The following RAB11FIP3 variants were observed in gnomAD, a reference collection of about 807,000 sequenced individuals.
RAB11FIP3 encodes the protein rab11 family-interacting protein 3.
Under a neutral mutation model 77.8 loss-of-function variants are expected in RAB11FIP3, and 17 were observed. The ratio of observed to expected loss-of-function variants is 0.22; its 90% CI spans 0.15 to 0.33. The LOEUF (loss-of-function observed/expected upper bound fraction) is 0.33, where lower values mean the gene tolerates loss of function less well. Among genes scored for constraint, RAB11FIP3 ranks in the 10% least tolerant of loss-of-function variants. RAB11FIP3 has a pLI of 1.00. For synonymous variants in RAB11FIP3, 437 were observed against 448.2 expected (o/e 0.98, Z 0.31); for missense variants, 1,005 against 1,011.2 (o/e 0.99, Z 0.08).
At chr16:510,498 G>A (rs1009949189) in intron 8 of RAB11FIP3, 162 bp from the exon 9 acceptor site, 1 of 801,120 alleles carries the variant, frequency 1.2e-6, no homozygotes, top group Non-Finnish European at 1.9e-6. Context: ...TGTATTCGCT[G>A]CTTCAGAACT....
At position 505,939 on chromosome 16, in the gene RAB11FIP3, G is replaced by A. The variant is rs189466407; in HGVS notation, c.1499+312G>A. 1.2e-4 allele frequency among the ~76,000 whole-genome samples: 18 copies of A among 152,332 alleles called. No homozygotes were observed. In the East Asian group the frequency reaches 3.3e-3, roughly 28 times the overall value. The stretch of plus-strand genomic sequence containing the variant: ...GAGGAGGAACTGACTGCGAACCCAC[G>A]CAGTGCTCAGCCTCACCAGCAGGCC... On this transcript the variant is annotated intron_variant, in intron 8 of 13. Transcript: ENST00000262305. The surrounding 1 kb of genome is among the most constrained non-coding windows in gnomAD (Gnocchi z 4.0).
intron 1 of RAB11FIP3, among the ~76,000 whole-genome samples, chr16:460,805 G>A (rs1023210947): frequency 6.6e-6 from 1 of 151,240 alleles, no homozygotes; most frequent in South Asian, 2.1e-4. Flanking sequence ...GCGTTCAGTG[G>A]CCAGGGTCCT....
At chr16:462,358 C>T (rs2055621938) in intron 2 of RAB11FIP3, among the ~76,000 whole-genome samples, 1 of 152,168 alleles carries the variant, frequency 6.6e-6, no homozygotes, top group Admixed American at 6.5e-5. Flanking sequence ...TATAGGCACC[C>T]ACCACCATGC....
rs554324967 is a variant in RAB11FIP3, at chr16:518,597, C to T, written c.1641-346C>T. On this transcript the variant is annotated intron_variant, in intron 9 of 13. Coordinates refer to ENST00000262305, the MANE Select transcript of RAB11FIP3 (RefSeq NM_014700.4). ...AAAATTAGCCGGGCGTGGTGGCAGG[C>T]GCCTGTAATCCCAGCTACTCAGGAG... is the stretch of plus-strand genomic sequence containing the variant. Among the ~76,000 whole-genome samples the T allele has an allele frequency of 2.2e-3, 328 of 152,110 alleles. 5 individuals carry two copies. Among genetic ancestry groups the T allele is most frequent in the African/African-American group, 7.6e-3 (314 of 41,486 alleles).
intron 5 of RAB11FIP3, among the ~76,000 whole-genome samples, chr16:492,900 C>T (rs930550379): frequency 5.3e-5 from 8 of 152,196 alleles, no homozygotes; most frequent in African/African-American, 1.9e-4. Flanking sequence ...CTAAGTACAA[C>T]TAGCAAGTCC....
chr16:444,590 A>G (rs955444513), intron 1 of RAB11FIP3, among the ~76,000 whole-genome samples: 1 of 151,976 alleles, frequency 6.6e-6, no homozygotes, highest in Non-Finnish European at 1.5e-5. Flanking sequence ...GCTCACGCCT[A>G]TAATCCCAGC....
At chr16:479,860 G>A (rs2055998397) in intron 3 of RAB11FIP3, among the ~76,000 whole-genome samples, 1 of 152,148 alleles carries the variant, frequency 6.6e-6, no homozygotes, top group Admixed American at 6.5e-5. Flanking sequence ...CAAGGCTGCA[G>A]TGAGCTGAGA....
At chr16:437,037 A>C (rs545285126) in intron 1 of RAB11FIP3, among the ~76,000 whole-genome samples, 2 of 152,072 alleles carry the variant, frequency 1.3e-5, no homozygotes, top group African/African-American at 4.8e-5. Context: ...GCACTTTGAG[A>C]GGCTGGGGAG....
At chr16:487,930 G>C (rs2056190887) in intron 4 of RAB11FIP3, among the ~76,000 whole-genome samples, 4 of 151,390 alleles carry the variant, frequency 2.6e-5, no homozygotes, top group African/African-American at 9.8e-5. Flanking sequence ...TAGGGAAGAG[G>C]CAGAGGTGCT....
At chr16:485,550 T>C (rs993576178) in intron 4 of RAB11FIP3, among the ~76,000 whole-genome samples, 4 of 151,916 alleles carry the variant, frequency 2.6e-5, no homozygotes, top group Non-Finnish European at 4.4e-5. Flanking sequence ...GTAGCTGGGA[T>C]TACAGGCACC....
At chr16:446,443 C>T (rs2055318217) in intron 1 of RAB11FIP3, among the ~76,000 whole-genome samples, 1 of 152,140 alleles carries the variant, frequency 6.6e-6, no homozygotes, top group Non-Finnish European at 1.5e-5. Context: ...ATAAAGAGTG[C>T]TCCTTGGCAG....
At chr16:438,340 T>G (rs890551348) in intron 1 of RAB11FIP3, among the ~76,000 whole-genome samples, 9 of 150,854 alleles carry the variant, frequency 6.0e-5, no homozygotes, top group Middle Eastern at 3.5e-3. Context: ...ACTGTTGACC[T>G]AGTGATCTGC....
At chr16:469,165 C>T (rs1055959359) in intron 2 of RAB11FIP3, among the ~76,000 whole-genome samples, 5 of 151,848 alleles carry the variant, frequency 3.3e-5, no homozygotes, top group South Asian at 4.2e-4. Flanking sequence ...TCCCGGGTCC[C>T]GGTTCAAGCT....
At chr16:504,072 T>C in intron 7 of RAB11FIP3, among the ~76,000 whole-genome samples, 2 of 48,390 alleles carry the variant, frequency 4.1e-5, no homozygotes, top group African/African-American at 9.3e-5. Flanking sequence ...CTGTACCCCC[T>C]CACCTCCTTG....
intron 3 of RAB11FIP3, chr16:475,240 C>A: frequency 3.0e-6 from 3 of 991,866 alleles, no homozygotes; most frequent in Non-Finnish European, 4.1e-6. Context: ...TTTTCTCTGT[C>A]CGCTGGTGAT....
At position 510,704 on chromosome 16, in the gene RAB11FIP3, C is replaced by T; in HGVS notation, c.1544C>T (p.Ala515Val). The T allele has an allele frequency of 6.2e-7, 1 of 1,612,528 alleles. No individual in the cohort carries two copies. The highest frequency in any genetic ancestry group is 1.7e-4 in the Middle Eastern group (1 of 6,056). Residue 515 changes from alanine (A) to valine (V), a missense_variant, in exon 9 of 14, where the codon GCC becomes GTC. Physicochemically the swap from Ala to Val is moderately conservative, Grantham distance 64. Coordinates refer to ENST00000262305, the MANE Select transcript of RAB11FIP3 (RefSeq NM_014700.4). The part of the protein sequence containing the change: ...EEQLKEQELR[A>V]CEMVLEETRR... ...CAGCTGAAGGAGCAGGAGCTGAGAG[C>T]CTGCGAGATGGTCCTGGAAGAGACC...
Position 425,965 on chromosome 16 carries a change from T to C in RAB11FIP3, c.-42T>C. The C allele has an allele frequency of 2.7e-6, 2 of 747,994 alleles. No homozygotes were observed. Among genetic ancestry groups the C allele is most frequent in the Non-Finnish European group, 3.0e-6 (2 of 674,484 alleles). The allele number at this position is 747,994 out of a possible 1,614,324, so 46.3% of individuals were successfully genotyped here. ...CGCCGCCGCGCCCTGAGCGCCTTTG[T>C]CTGCCGCCCGCGCCCTTCCGCACCA... On this transcript the variant is annotated 5_prime_UTR_variant, in exon 1 of 14. Coordinates refer to ENST00000262305, the MANE Select transcript of RAB11FIP3 (RefSeq NM_014700.4).
Position 426,678 on chromosome 16 carries a change from C to G in RAB11FIP3, c.672C>G (p.Ile224Met), listed in dbSNP as rs763164515. 1.9e-6 allele frequency: 3 copies of G among 1,541,304 alleles called. No individual in the cohort carries two copies. The highest frequency in any genetic ancestry group is 1.4e-5 in the African/African-American group (1 of 71,516). The change falls in exon 1 of 14, where the codon ATC (isoleucine) becomes ATG (methionine). Residue 224 changes from isoleucine to methionine, a missense_variant. Physicochemically the swap from Ile to Met is conservative, Grantham distance 10. Around this residue, in one of 4 missense-constraint regions of RAB11FIP3, gnomAD observed 466 missense variants for 408.3 expected, o/e 1.14. Coordinates refer to ENST00000262305, the MANE Select transcript of RAB11FIP3 (RefSeq NM_014700.4). This position sits in a 1 kb window ranked among gnomAD's most constrained non-coding sequence, Gnocchi z 5.0. ...LDGDGDGFVR[I>M]EDFIQFATVY... ...GGGATGGGGACGGTTTCGTCCGCAT[C>G]GAGGACTTCATCCAGTTTGCTACGG...
At chr16:431,643 G>A (rs2055038901) in intron 1 of RAB11FIP3, among the ~76,000 whole-genome samples, 1 of 152,068 alleles carries the variant, frequency 6.6e-6, no homozygotes, top group African/African-American at 2.4e-5. Flanking sequence ...CCAAAGTGTT[G>A]GGATTACAGA....
Sources: gnomAD v4.1 joint callset for allele counts (sites outside exome capture counted in the v4.1 genomes callset) on GRCh38, gnomAD v4.1.1 for gene constraint, gnomAD v4.1.1 regional missense constraint, Gnocchi (gnomAD v3.1) non-coding constraint, MANE v1.5 for transcripts, NCBI Gene and HGNC (gene_info 2026-07-23, HGNC 2026-07-21) for gene names.